FRMPD3: variants seen among roughly 807,000 people sequenced by gnomAD.
FRMPD3 encodes the protein FERM and PDZ domain-containing protein 3.
Under a neutral mutation model 97.9 loss-of-function variants are expected in FRMPD3, and 42 were observed. That is an observed-to-expected ratio of 0.43 (90% CI 0.34 to 0.55). FRMPD3 has a LOEUF of 0.55. FRMPD3 is among the 20% of genes least tolerant of loss of function. The pLI is 0.03. For synonymous variants in FRMPD3, 577 were observed against 581.1 expected (o/e 0.99, Z 0.10); for missense variants, 1,303 against 1,457.7 (o/e 0.89, Z 1.73).
At chrX:107,538,509 T>C (rs1181686567) in intron 4 of FRMPD3, among the ~76,000 whole-genome samples, 3 of 90,107 alleles carry the variant, frequency 3.3e-5, no homozygotes, top group African/African-American at 1.3e-4. Flanking sequence ...TCCTAATAGG[T>C]CCAGGATGTG....
intron 13 of FRMPD3, among the ~76,000 whole-genome samples, chrX:107,586,456 T>C (rs1342074070): frequency 9.1e-6 from 1 of 110,057 alleles, no homozygotes; most frequent in Non-Finnish European, 1.9e-5. Context: ...TCAATTCTGC[T>C]CTGATCTTAG....
chrX:107,482,766 T>G (rs1921408077), intron 1 of FRMPD3, among the ~76,000 whole-genome samples: 1 of 112,114 alleles, frequency 8.9e-6, no homozygotes, highest in Non-Finnish European at 1.9e-5. Context: ...ATCAACACTA[T>G]TGAGCAGGGC....
At chrX:107,580,637 C>T (rs1238377943) in intron 13 of FRMPD3, among the ~76,000 whole-genome samples, 1 of 111,617 alleles carries the variant, frequency 9.0e-6, no homozygotes, top group African/African-American at 3.3e-5. Context: ...TAGTTAGCAC[C>T]TGGTACATCC....
At chrX:107,549,889 C>T (rs1411043027) in intron 5 of FRMPD3, among the ~76,000 whole-genome samples, 160 bp from the exon 6 acceptor site, 1 of 110,855 alleles carries the variant, frequency 9.0e-6, no homozygotes, top group Non-Finnish European at 1.9e-5. Context: ...TTCTGGTCCC[C>T]ATGTATTATT....
chrX:107,603,744 A>T lies in FRMPD3; in HGVS notation c.*371A>T, dbSNP rs961256997. 1 of 149,271 alleles carries T rather than the reference A, an allele frequency of 6.7e-6. No homozygotes were observed. The highest frequency in any genetic ancestry group is 3.1e-5 in the African/African-American group (1 of 32,253). 12.3% of individuals were successfully genotyped at this position (149,271 alleles called of 1,213,427 possible). ...GGGAGCCAGGGCCTGAAGCAAGCGGACCCTCAGGCTTTGAGCTCCTCGTGG... is the reference window on the plus strand; with the variant it reads ...GGGAGCCAGGGCCTGAAGCAAGCGGTCCCTCAGGCTTTGAGCTCCTCGTGG... On this transcript the variant is annotated 3_prime_UTR_variant, in exon 15 of 15. Transcript: ENST00000683843.
chrX:107,471,017 C>T (rs775987816), intron 1 of FRMPD3, among the ~76,000 whole-genome samples: 13 of 112,429 alleles, frequency 1.2e-4, no homozygotes, highest in African/African-American at 3.9e-4. Flanking sequence ...GCGCTATGGG[C>T]GTGGCCAGGG....
At chrX:107,471,686 T>C (rs1161428930) in intron 1 of FRMPD3, among the ~76,000 whole-genome samples, 2 of 112,365 alleles carry the variant, frequency 1.8e-5, no homozygotes, top group Non-Finnish European at 3.7e-5. Flanking sequence ...ACATTTTCTT[T>C]ATCCGGTCTA....
chrX:107,572,496 G>A (rs1319425219), intron 12 of FRMPD3, among the ~76,000 whole-genome samples: 4 of 111,672 alleles, frequency 3.6e-5, no homozygotes, highest in African/African-American at 1.3e-4. Flanking sequence ...TTCAGACTTT[G>A]GGAGCCTGAG....
chrX:107,595,815 G>A (rs1488505400), intron 13 of FRMPD3, among the ~76,000 whole-genome samples: 2 of 109,400 alleles, frequency 1.8e-5, no homozygotes, highest in African/African-American at 3.3e-5. Context: ...GCAGGCGCCT[G>A]TAATCCTGGC....
intron 4 of FRMPD3, among the ~76,000 whole-genome samples, chrX:107,538,745 T>C (rs7051103): frequency 0.17 from 18,313 of 110,574 alleles, 3,490 homozygotes; most frequent in African/African-American, 0.55. Flanking sequence ...ACTGCAACCT[T>C]TACCTCCTGG....
chrX:107,556,583 C>G (rs1402161352), intron 8 of FRMPD3, among the ~76,000 whole-genome samples: 1 of 111,793 alleles, frequency 8.9e-6, no homozygotes, highest in Non-Finnish European at 1.9e-5. Context: ...TTGAACATAT[C>G]CAACACACCT....
chrX:107,517,748 C>T lies in FRMPD3; in HGVS notation c.-7-8834C>T, dbSNP rs377356433. Among the ~76,000 whole-genome samples the T allele has an allele frequency of 8.3e-3, 759 of 91,864 alleles. 3 individuals carry two copies. The highest frequency in any genetic ancestry group is 0.028 in the African/African-American group (661 of 23,853). The allele number at this position is 91,864 out of a possible 115,157, so 79.8% of individuals were successfully genotyped here. On this transcript the variant is annotated intron_variant, in intron 1 of 14. Transcript: ENST00000683843. ...TGCACTCCAGCCTGGGCATCAACAG[C>T]GAAACTCTGGGAAAAAAAAAAAAAG...
At chrX:107,570,005 G>C (rs1219040517) in intron 12 of FRMPD3, among the ~76,000 whole-genome samples, 1 of 98,928 alleles carries the variant, frequency 1.0e-5, no homozygotes, top group Non-Finnish European at 2.0e-5. Context: ...GACAGAGCAA[G>C]AGACAGTCAA....
intron 1 of FRMPD3, among the ~76,000 whole-genome samples, chrX:107,464,574 C>G (rs982031406): frequency 9.0e-6 from 1 of 111,401 alleles, no homozygotes; most frequent in Non-Finnish European, 1.9e-5. Context: ...AAGGCTGCCT[C>G]TTAGGGGTCC....
chrX:107,538,270 A>G (rs1461682079), intron 4 of FRMPD3, among the ~76,000 whole-genome samples: 1 of 111,274 alleles, frequency 9.0e-6, no homozygotes, highest in Non-Finnish European at 1.9e-5. Flanking sequence ...AATGTCATAG[A>G]ACGTAACCAC....
intron 1 of FRMPD3, among the ~76,000 whole-genome samples, chrX:107,504,871 G>T (rs761735454): frequency 8.9e-6 from 1 of 112,006 alleles, no homozygotes; most frequent in Non-Finnish European, 1.9e-5. Context: ...GATTGCCATT[G>T]CCAATAATCA....
chrX:107,484,199 C>A (rs1410464437), intron 1 of FRMPD3, among the ~76,000 whole-genome samples: 1 of 112,397 alleles, frequency 8.9e-6, no homozygotes, highest in Non-Finnish European at 1.9e-5. Flanking sequence ...ACTGGGCCCT[C>A]CCAGGGGCTT....
chrX:107,494,080 G>A (rs1465359743), intron 1 of FRMPD3, among the ~76,000 whole-genome samples: 10 of 111,573 alleles, frequency 9.0e-5, no homozygotes, highest in Non-Finnish European at 1.9e-4. Context: ...CTAGAGATAT[G>A]TGAAAGTGAG....
chrX:107,543,543 G>A (rs761679055), intron 4 of FRMPD3, among the ~76,000 whole-genome samples: 5 of 110,950 alleles, frequency 4.5e-5, no homozygotes, highest in East Asian at 5.6e-4. Flanking sequence ...GTGGCCGGGC[G>A]CCGTGGCTCA....
Sources: gnomAD v4.1 joint callset for allele counts (sites outside exome capture counted in the v4.1 genomes callset) on GRCh38, gnomAD v4.1.1 for gene constraint, MANE v1.5 for transcripts, NCBI Gene and HGNC (gene_info 2026-07-23, HGNC 2026-07-21) for gene names.